CFAP69: variants seen among roughly 807,000 people sequenced by gnomAD.
The protein encoded by CFAP69 is cilia and flagella associated protein 69, also known as cilia- and flagella-associated protein 69.
CFAP69 carries 92 observed loss-of-function variants against 123.0 expected under a neutral mutation model. The ratio of observed to expected loss-of-function variants is 0.75; its 90% CI spans 0.63 to 0.89. CFAP69 has a LOEUF of 0.89. Among genes scored for constraint, CFAP69 ranks in the 40% least tolerant of loss-of-function variants. The pLI is 0.00. For synonymous variants in CFAP69, 380 were observed against 364.3 expected, an observed-to-expected ratio of 1.04 and a Z score of -0.49; for missense variants, 1,067 against 1,096.9, an observed-to-expected ratio of 0.97 and a Z score of 0.39.
rs916742090 is a variant in CFAP69 at position 90,311,011 on chromosome 7, A to T, written c.*773A>T. The T allele has an allele frequency of 6.6e-6, 1 of 152,200 alleles. No homozygotes were observed. The highest frequency in any genetic ancestry group is 1.5e-5 in the Non-Finnish European group (1 of 68,044). 9.4% of individuals were successfully genotyped at this position (152,200 alleles called of 1,614,324 possible). A position where few individuals can be genotyped will look rare whatever the true frequency, so the allele number is the denominator to read the frequency against. Reference sequence around the variant, plus strand: ...ATGAGCCAAATGGTAAAAAAGAAAAAAAAATGCAGCTGGTTTTACTCTTAA... The same window carrying T: ...ATGAGCCAAATGGTAAAAAAGAAAATAAAATGCAGCTGGTTTTACTCTTAA... On this transcript the variant is annotated 3_prime_UTR_variant, in exon 23 of 23. Transcript: ENST00000389297.
intron 16 of CFAP69, among the ~76,000 whole-genome samples, chr7:90,299,022 A>G (rs904641735): frequency 1.3e-5 from 2 of 152,142 alleles, no homozygotes; most frequent in African/African-American, 4.8e-5. Flanking sequence ...TTAAATGTTA[A>G]TGAGAGCTGA....
intron 1 of CFAP69, among the ~76,000 whole-genome samples, chr7:90,249,141 C>G (rs1454035136): frequency 6.6e-6 from 1 of 152,074 alleles, no homozygotes; most frequent in African/African-American, 2.4e-5. Flanking sequence ...AGGGAGGGAC[C>G]TGGTGGGAGG....
the CFAP69 span, chr7:90,322,672 A>ATTAC: frequency 2.0e-5 from 3 of 152,230 alleles, no homozygotes; most frequent in African/African-American, 7.2e-5. Flanking sequence ...CAAGTATTCA[A>ATTAC]AACCTATTGA....
chr7:90,303,912 T>A, intron 17 of CFAP69, 57 bp from the exon 18 acceptor site: 2 of 1,459,848 alleles, frequency 1.4e-6, no homozygotes, highest in South Asian at 2.8e-5. Context: ...AATTAAGTAT[T>A]TGTTTACTAT....
intron 17 of CFAP69, chr7:90,302,021 C>A (rs1437131678): frequency 6.6e-6 from 1 of 152,122 alleles, no homozygotes; most frequent in Non-Finnish European, 1.5e-5. Flanking sequence ...GCCATTCTGA[C>A]TGATGTGAGA....
At chr7:90,296,691 A>G (rs1792030320) in intron 15 of CFAP69, among the ~76,000 whole-genome samples, 1 of 152,108 alleles carries the variant, frequency 6.6e-6, no homozygotes, top group Non-Finnish European at 1.5e-5. Context: ...GCTTGGTTTT[A>G]TACGTTTTGT....
At chr7:90,308,981 C>A (rs959265786) in intron 21 of CFAP69, among the ~76,000 whole-genome samples, 1 of 151,984 alleles carries the variant, frequency 6.6e-6, no homozygotes, top group Non-Finnish European at 1.5e-5. Flanking sequence ...AACCTGATTT[C>A]TTCAGGATCT....
At chr7:90,304,492 A>T in intron 18 of CFAP69, 1 of 1,261,168 alleles carries the variant, frequency 7.9e-7, no homozygotes, top group Non-Finnish European at 1.0e-6. Context: ...TTATTGTCTG[A>T]CTACAACACA....
Position 90,307,711 on chromosome 7 carries a change from C to G in CFAP69, c.2464-57C>G, listed in dbSNP as rs998034168. The G allele has an allele frequency of 1.5e-5, 16 of 1,092,060 alleles. No homozygotes were observed. The African/African-American group carries it at 3.0e-4, about 21-fold the overall frequency. 67.6% of individuals were successfully genotyped at this position (1,092,060 alleles called of 1,614,324 possible). ...CCTGGGTGACAGAGTGAGGTTCTGT[C>G]TCAAAAAAAAAAAAGAAAAAAAAGA... On this transcript the variant is annotated intron_variant, in intron 20 of 22. Coordinates refer to ENST00000389297, the MANE Select transcript of CFAP69 (RefSeq NM_001039706.3).
chr7:90,279,517 G>A (rs1205883925), intron 11 of CFAP69, among the ~76,000 whole-genome samples, 160 bp from the exon 12 acceptor site: 5 of 146,366 alleles, frequency 3.4e-5, no homozygotes, highest in Admixed American at 1.4e-4. Flanking sequence ...TTAATTTTTG[G>A]TGTTTTTTTT....
At chr7:90,249,057 T>C (rs1231602588) in intron 1 of CFAP69, among the ~76,000 whole-genome samples, 1 of 152,212 alleles carries the variant, frequency 6.6e-6, no homozygotes, top group Non-Finnish European at 1.5e-5. Flanking sequence ...ATTCAGATGA[T>C]ATTTACAGGG....
intron 11 of CFAP69, among the ~76,000 whole-genome samples, chr7:90,278,679 CTT>C (rs762293144): frequency 2.8e-4 from 42 of 152,206 alleles, no homozygotes; most frequent in Admixed American, 7.8e-4. Flanking sequence ...TCTTAAAACA[CTT>C]TGTGAGCGGT....
chr7:90,285,262 A>G (rs1790098072), intron 13 of CFAP69, among the ~76,000 whole-genome samples: 1 of 152,188 alleles, frequency 6.6e-6, no homozygotes, highest in East Asian at 1.9e-4. Flanking sequence ...CTGATCCCCC[A>G]CCTGTAATTC....
chr7:90,306,957 A>C lies in CFAP69; in HGVS notation c.2322A>C (p.Pro774=), dbSNP rs763803156. Residue 774 remains proline (P), a synonymous_variant, in exon 20 of 23, where the codon CCA becomes CCC. Transcript: ENST00000389297. ...YEEIKLEKLR[P]VTTDKKALEA... is the part of the protein sequence containing the mutation. ...AAATAAAATTAGAAAAATTAAGACC[A>C]GTCACTACAGATAAAAAAGCTTTGG... 1.9e-6 allele frequency: 3 copies of C among 1,582,188 alleles called. No individual in the cohort carries two copies. The highest frequency in any genetic ancestry group is 1.7e-5 in the Admixed American group (1 of 59,192).
intron 12 of CFAP69, among the ~76,000 whole-genome samples, chr7:90,281,394 A>G (rs1789468385): frequency 6.6e-6 from 1 of 151,946 alleles, no homozygotes; most frequent in African/African-American, 2.4e-5. Context: ...TTGCCTTGCT[A>G]TTTATCAAGA....
At chr7:90,290,623 T>A (rs952572682) in intron 15 of CFAP69, among the ~76,000 whole-genome samples, 7 of 152,156 alleles carry the variant, frequency 4.6e-5, no homozygotes, top group Admixed American at 2.0e-4. Context: ...ACCACCTGAA[T>A]GGGAGGAGCA....
intron 19 of CFAP69, among the ~76,000 whole-genome samples, chr7:90,305,432 ACC>A (rs1793436110): frequency 6.7e-6 from 1 of 150,172 alleles, no homozygotes; most frequent in Admixed American, 6.6e-5. Flanking sequence ...TGCTCTTGTC[ACC>A]CAGGCTGGAG....
chr7:90,302,843 G>A lies in CFAP69; in HGVS notation c.2051-1126G>A, dbSNP rs1793019585. The A allele has an allele frequency of 2.6e-5, 4 of 152,056 alleles. No homozygotes were observed. The South Asian group carries it at 8.3e-4, about 31-fold the overall frequency. 9.4% of individuals were successfully genotyped at this position (152,056 alleles called of 1,614,324 possible). A position where few individuals can be genotyped will look rare whatever the true frequency, so the allele number is the denominator to read the frequency against. ...ATGATTTTTTGAATAGTTTTCTCTA[G>A]TTATGTGAAGATTGTTGTTGATAGC... On this transcript the variant is annotated intron_variant, in intron 17 of 22. Transcript: ENST00000389297.
intron 12 of CFAP69, among the ~76,000 whole-genome samples, chr7:90,282,188 TA>T (rs58369979): frequency 3.4e-5 from 5 of 146,840 alleles, no homozygotes; most frequent in Admixed American, 1.4e-4. Flanking sequence ...CCCCATCTCT[TA>T]AAAAAAAAAA....
Sources: gnomAD v4.1 joint callset for allele counts (sites outside exome capture counted in the v4.1 genomes callset) on GRCh38, gnomAD v4.1.1 for gene constraint, MANE v1.5 for transcripts, NCBI Gene and HGNC (gene_info 2026-07-23, HGNC 2026-07-21) for gene names.